The following UBE2H variants were observed in gnomAD, a reference collection of about 807,000 sequenced individuals.
The protein encoded by UBE2H is ubiquitin conjugating enzyme E2 H, also known as ubiquitin-conjugating enzyme E2 H.
A neutral mutation model predicts 29.0 loss-of-function variants in UBE2H; 3 were observed. The observed-to-expected ratio is 0.10, with a 90% CI of 0.05 to 0.27. The LOEUF (loss-of-function observed/expected upper bound fraction) is 0.27, where lower values mean the gene tolerates loss of function less well. Ranked by LOEUF, UBE2H falls within the 10% of genes least tolerant of loss-of-function variation. The probability of loss-of-function intolerance (pLI) is 1.00; values close to 1 mark genes in which losing one functional copy is unlikely to be tolerated. For synonymous variants in UBE2H, 69 were observed against 82.9 expected (o/e 0.83, Z 0.91); for missense variants, 68 against 228.2 (o/e 0.30, Z 4.52).
intron 5 of UBE2H, among the ~76,000 whole-genome samples, chr7:129,845,511 C>T (rs1028423038): frequency 6.6e-6 from 1 of 152,200 alleles, no homozygotes; most frequent in Non-Finnish European, 1.5e-5. Context: ...TTTCTGCACA[C>T]TGCTGTTACC....
chr7:129,851,194 T>C (rs888653306), intron 5 of UBE2H, among the ~76,000 whole-genome samples: 3 of 152,222 alleles, frequency 2.0e-5, no homozygotes, highest in Non-Finnish European at 2.9e-5. Flanking sequence ...AAACAAGCTC[T>C]TGTTCATCAA....
In UBE2H at chr7:129,942,262, C is replaced by T. The variant is rs181797900; in HGVS notation, c.53+10241G>A. 7.4e-3 allele frequency among the ~76,000 whole-genome samples: 1,065 copies of T among 143,994 alleles called. 2 individuals are homozygous for T. Among genetic ancestry groups the T allele is most frequent in the Middle Eastern group, 0.018 (4 of 222 alleles). 94.5% of individuals were successfully genotyped at this position (143,994 alleles called of 152,430 possible). A position where few individuals can be genotyped will look rare whatever the true frequency, so the allele number is the denominator to read the frequency against. On this transcript the variant is annotated intron_variant, in intron 1 of 6. Coordinates refer to ENST00000355621, the MANE Select transcript of UBE2H (RefSeq NM_003344.4). ...GCTTCAAAAAATTCCAGGCTGGGCG[C>T]GGTGGCTCACACCTGTAATCCCAGC... is the stretch of plus-strand genomic sequence containing the variant.
intron 5 of UBE2H, among the ~76,000 whole-genome samples, chr7:129,851,260 T>G (rs1563022065): frequency 6.6e-6 from 1 of 152,204 alleles, no homozygotes; most frequent in Non-Finnish European, 1.5e-5. Flanking sequence ...TATTTGGGTG[T>G]TTTTTAGAGG....
At chr7:129,872,599 TGGGA>T (rs1563029337) in intron 3 of UBE2H, among the ~76,000 whole-genome samples, 2 of 151,970 alleles carry the variant, frequency 1.3e-5, no homozygotes, top group African/African-American at 2.4e-5. Context: ...CTCAGCACTG[TGGGA>T]GGCCAAGGTG....
chr7:129,932,063 C>G (rs557396495), intron 1 of UBE2H, among the ~76,000 whole-genome samples: 124 of 151,280 alleles, frequency 8.2e-4, no homozygotes, highest in Admixed American at 1.7e-3. Flanking sequence ...ACCACGTGAT[C>G]CGCCTGCCTC....
At chr7:129,857,286 T>C in intron 5 of UBE2H, 1 of 560,044 alleles carries the variant, frequency 1.8e-6, no homozygotes, top group Non-Finnish European at 3.2e-6. Context: ...TCACTATACC[T>C]TAAGTTTGGA....
intron 6 of UBE2H, among the ~76,000 whole-genome samples, chr7:129,837,461 A>G (rs866590323): frequency 1.3e-5 from 2 of 152,190 alleles, no homozygotes; most frequent in African/African-American, 4.8e-5. Flanking sequence ...AGGAGGGGAA[A>G]AAAACTAGAG....
chr7:129,834,694 C>T lies in UBE2H; in HGVS notation c.*243G>A, dbSNP rs1296471738. The T allele has an allele frequency of 4.1e-5, 16 of 388,998 alleles. No individual in the cohort carries two copies. In the Admixed American group the frequency reaches 5.9e-4, roughly 14 times the overall value. 24.1% of individuals were successfully genotyped at this position (388,998 alleles called of 1,614,324 possible). ...ACTTGGCCACATGGACTCATGAATGCATGCATTCAGACCGCATATTGCTAC... is the reference window on the plus strand; with the variant it reads ...ACTTGGCCACATGGACTCATGAATGTATGCATTCAGACCGCATATTGCTAC... On this transcript the variant is annotated 3_prime_UTR_variant, in exon 7 of 7. Coordinates refer to ENST00000355621, the MANE Select transcript of UBE2H (RefSeq NM_003344.4).
intron 1 of UBE2H, among the ~76,000 whole-genome samples, chr7:129,893,802 T>G (rs1048195664): frequency 3.3e-5 from 5 of 152,198 alleles, no homozygotes; most frequent in African/African-American, 1.2e-4. Context: ...TGCATGTATA[T>G]AAATTAGCAG....
chr7:129,916,758 G>A (rs1584784487), intron 1 of UBE2H, among the ~76,000 whole-genome samples: 1 of 152,178 alleles, frequency 6.6e-6, no homozygotes, highest in East Asian at 1.9e-4. Flanking sequence ...TCCATTTGCG[G>A]CTGGGAGCGG....
chr7:129,903,895 C>A (rs1439754259), intron 1 of UBE2H, among the ~76,000 whole-genome samples: 3 of 152,184 alleles, frequency 2.0e-5, no homozygotes, highest in Non-Finnish European at 4.4e-5. Context: ...TAGAGTGACA[C>A]CCTGTCTCTT....
intron 1 of UBE2H, among the ~76,000 whole-genome samples, chr7:129,932,773 C>CAAAAAAAAAAA (rs1208871059): frequency 3.0e-5 from 1 of 33,208 alleles, no homozygotes; most frequent in Non-Finnish European, 5.9e-5. Context: ...GACTCCGTCT[C>CAAAAAAAAAAA]AAAAAAAAAA....
chr7:129,851,139 A>G (rs932416228), intron 5 of UBE2H, among the ~76,000 whole-genome samples: 18 of 152,188 alleles, frequency 1.2e-4, no homozygotes, highest in Non-Finnish European at 2.5e-4. Context: ...AACTTCAGAG[A>G]GTTGCAGAAG....
chr7:129,919,138 C>A (rs1202129052), intron 1 of UBE2H, among the ~76,000 whole-genome samples: 1 of 135,984 alleles, frequency 7.4e-6, no homozygotes, highest in Non-Finnish European at 1.6e-5. Flanking sequence ...AAAAACAAGG[C>A]ACATGGATGA....
intron 1 of UBE2H, among the ~76,000 whole-genome samples, chr7:129,920,222 CAT>C (rs761669185): frequency 4.0e-5 from 6 of 151,618 alleles, no homozygotes; most frequent in Admixed American, 6.6e-5. Flanking sequence ...AATATTTATG[CAT>C]ATATATATGA....
At chr7:129,914,011 T>C (rs1289645447) in intron 1 of UBE2H, among the ~76,000 whole-genome samples, 1 of 152,118 alleles carries the variant, frequency 6.6e-6, no homozygotes, top group African/African-American at 2.4e-5. Context: ...TGGAACTCAA[T>C]GCATATCTTG....
chr7:129,907,403 G>A (rs540946166), intron 1 of UBE2H, among the ~76,000 whole-genome samples: 10 of 152,286 alleles, frequency 6.6e-5, no homozygotes, highest in Admixed American at 5.9e-4. Flanking sequence ...GATGTCCAAG[G>A]AATATCATAG....
intron 1 of UBE2H, among the ~76,000 whole-genome samples, chr7:129,930,909 C>CAAAAAAAA (rs71175050): frequency 2.3e-4 from 8 of 34,286 alleles, no homozygotes; most frequent in South Asian, 1.5e-3. Flanking sequence ...CCCCGTCTCA[C>CAAAAAAAA]AAAAAAAAAA....
chr7:129,891,298 G>A (rs959465279), intron 1 of UBE2H, among the ~76,000 whole-genome samples: 1 of 151,818 alleles, frequency 6.6e-6, no homozygotes, highest in Non-Finnish European at 1.5e-5. Context: ...AGAGTCTCCT[G>A]CCTCAACCTC....
Sources: gnomAD v4.1 joint callset for allele counts (sites outside exome capture counted in the v4.1 genomes callset) on GRCh38, gnomAD v4.1.1 for gene constraint, MANE v1.5 for transcripts, NCBI Gene and HGNC (gene_info 2026-07-23, HGNC 2026-07-21) for gene names.